The following ZNF138 variants were observed in gnomAD, a reference collection of about 807,000 sequenced individuals.
ZNF138 encodes the protein zinc finger protein 138.
A neutral mutation model predicts 33.0 loss-of-function variants in ZNF138; 33 were observed. That is an observed-to-expected ratio of 1.00 (90% CI 0.76 to 1.34). The LOEUF is 1.34. Among genes scored for constraint, ZNF138 ranks in the 40% most tolerant of loss-of-function variants. The pLI is 0.00. For missense variants in ZNF138, 360 were observed against 370.8 expected (o/e 0.97, Z 0.24); for synonymous variants, 139 against 120.4 (o/e 1.15, Z -1.01).
chr7:64,795,338 G>A (rs1466269810), intron 1 of ZNF138, among the ~76,000 whole-genome samples: 3 of 152,098 alleles, frequency 2.0e-5, no homozygotes, highest in Admixed American at 2.0e-4. Flanking sequence ...ACACTCCACA[G>A]GGGACAGATC....
At chr7:64,816,792 C>T (rs996792059) in intron 3 of ZNF138, among the ~76,000 whole-genome samples, 1 of 152,152 alleles carries the variant, frequency 6.6e-6, no homozygotes, top group East Asian at 1.9e-4. Flanking sequence ...CACCTCTTCA[C>T]GTTTTTATAT....
intron 1 of ZNF138, among the ~76,000 whole-genome samples, chr7:64,800,045 C>T (rs1404072553): frequency 6.6e-6 from 1 of 152,118 alleles, no homozygotes; most frequent in Non-Finnish European, 1.5e-5. Flanking sequence ...TGAAATTTTG[C>T]TTCACTTCTT....
chr7:64,821,954 C>T (rs2900626), intron 3 of ZNF138, among the ~76,000 whole-genome samples: 136,456 of 138,434 alleles, frequency 0.99, 67,354 homozygotes, highest in East Asian at 1. Context: ...AGTCTGGCTC[C>T]GTCACCCAGG....
At position 64,831,095 on chromosome 7, in the gene ZNF138, C is replaced by G; in HGVS notation, c.209-356C>G. ...TAAAGATGTATGTGTTATTATTTCT[C>G]TTGCCTTTTGAAAAAGAAACCAAGA... On this transcript the variant is annotated intron_variant, in intron 3 of 3. Coordinates refer to ENST00000307355, the MANE Select transcript of ZNF138 (RefSeq NM_001271639.2). The G allele has an allele frequency of 1.9e-6, 3 of 1,546,788 alleles. No homozygotes were observed. The South Asian group carries it at 3.6e-5, about 19-fold the overall frequency.
At chr7:64,852,737 G>A in the ZNF138 span, 1 of 978,348 alleles carries the variant, frequency 1.0e-6, no homozygotes, top group Non-Finnish European at 1.7e-6. Flanking sequence ...CACAGCCACT[G>A]CCCCCTGTGT....
chr7:64,853,958 G>A, the ZNF138 span, among the ~76,000 whole-genome samples: 10 of 151,470 alleles, frequency 6.6e-5, no homozygotes, highest in South Asian at 1.0e-3. Context: ...AGCCGAGATC[G>A]AGTCACTGCA....
chr7:64,816,995 CAGCACTT>C (rs1334058106), intron 3 of ZNF138, among the ~76,000 whole-genome samples: 1 of 152,174 alleles, frequency 6.6e-6, no homozygotes, highest in Non-Finnish European at 1.5e-5. Context: ...AAATATCCTT[CAGCACTT>C]TGCTCTGTAG....
the ZNF138 span, among the ~76,000 whole-genome samples, chr7:64,857,974 G>A: frequency 6.6e-6 from 1 of 152,218 alleles, no homozygotes; most frequent in Non-Finnish European, 1.5e-5. Flanking sequence ...CTATTAGTAT[G>A]AGATCATAAT....
At chr7:64,822,623 G>A (rs1315593075) in intron 3 of ZNF138, among the ~76,000 whole-genome samples, 2 of 147,366 alleles carry the variant, frequency 1.4e-5, no homozygotes, top group Non-Finnish European at 2.9e-5. Flanking sequence ...TTTCTGGGCT[G>A]TCTTGTTCTT....
In ZNF138 at chr7:64,794,551, T is replaced by A. The variant is rs558479292; in HGVS notation, c.-18T>A. ...GAGATTCACAGCTAAGACGCCAGGA[T>A]CCCCCGGAAGCCTAGAAATGGTGAG... On this transcript the variant is annotated 5_prime_UTR_variant, in exon 1 of 4. Transcript: ENST00000307355. 4 of 1,613,232 alleles carry A rather than the reference T, an allele frequency of 2.5e-6. No individual in the cohort carries two copies. In the African/African-American group the frequency reaches 5.3e-5, roughly 22 times the overall value.
chr7:64,826,406 A>C (rs546166003), intron 3 of ZNF138, among the ~76,000 whole-genome samples: 1 of 152,034 alleles, frequency 6.6e-6, no homozygotes, highest in Admixed American at 6.6e-5. Flanking sequence ...TGGCCTCCCA[A>C]GTAGCTGGGA....
At chr7:64,847,332 A>ATATATTTT in the ZNF138 span, among the ~76,000 whole-genome samples, 10 of 128,130 alleles carry the variant, frequency 7.8e-5, no homozygotes, top group Admixed American at 1.7e-4. Context: ...ATATATATAT[A>ATATATTTT]TTTTTTTTTT....
chr7:64,806,194 A>G (rs1787582653), intron 1 of ZNF138, among the ~76,000 whole-genome samples: 1 of 152,180 alleles, frequency 6.6e-6, no homozygotes, highest in Admixed American at 6.5e-5. Flanking sequence ...CAGTCAACTC[A>G]CGGTTGTGCT....
chr7:64,858,409 GAAGTCT>G, the ZNF138 span, among the ~76,000 whole-genome samples: 568 of 152,310 alleles, frequency 3.7e-3, 11 homozygotes, highest in African/African-American at 0.013. Context: ...AAATCATGGG[GAAGTCT>G]TTTTATCAAG....
At chr7:64,796,749 G>A (rs767493335) in intron 1 of ZNF138, among the ~76,000 whole-genome samples, 5 of 152,090 alleles carry the variant, frequency 3.3e-5, no homozygotes, top group Admixed American at 2.6e-4. Flanking sequence ...TGTGGAAAAC[G>A]AATACATTTC....
chr7:64,847,389 G>C, the ZNF138 span, among the ~76,000 whole-genome samples: 1 of 142,826 alleles, frequency 7.0e-6, no homozygotes, highest in Non-Finnish European at 1.5e-5. Flanking sequence ...TAACTGTTAA[G>C]CCCGTTTGTT....
At position 64,812,019 on chromosome 7, in the gene ZNF138, T is replaced by C. The variant is rs141404301; in HGVS notation, c.4-2899T>C. On this transcript the variant is annotated intron_variant, in intron 1 of 3. Coordinates refer to ENST00000307355, the MANE Select transcript of ZNF138 (RefSeq NM_001271639.2). The stretch of plus-strand genomic sequence containing the variant: ...ACATGGCCAATTTGCAGTAATCTTT[T>C]TACTTATACCCTTTCCACATGTTCT... 9.2e-5 allele frequency among the ~76,000 whole-genome samples: 14 copies of C among 152,350 alleles called. No individual in the cohort carries two copies. The East Asian group carries it at 2.7e-3, about 29-fold the overall frequency.
In ZNF138 at chr7:64,794,484, C is replaced by G. The variant is rs1715358202; in HGVS notation, c.-85C>G. The G allele has an allele frequency of 3.1e-6, 5 of 1,599,260 alleles. No individual in the cohort carries two copies. The highest frequency in any genetic ancestry group is 1.7e-5 in the Admixed American group (1 of 59,698). On this transcript the variant is annotated 5_prime_UTR_variant, in exon 1 of 4. Transcript: ENST00000307355. The stretch of plus-strand genomic sequence containing the variant: ...CTTCACTTTTCTGCGTCCTCTTACT[C>G]CTAGAGGCCCAGCCTCTGTGGCGCT...
chr7:64,833,708 TTG>T (rs58981151), downstream of ZNF138: 9,259 of 150,364 alleles, frequency 0.062, 348 homozygotes, highest in Admixed American at 0.097. Flanking sequence ...AGTGTGTGGT[TTG>T]TTTGTTTGTT....
Sources: gnomAD v4.1 joint callset for allele counts (sites outside exome capture counted in the v4.1 genomes callset) on GRCh38, gnomAD v4.1.1 for gene constraint, MANE v1.5 for transcripts, NCBI Gene and HGNC (gene_info 2026-07-23, HGNC 2026-07-21) for gene names.